ZAP70: variants seen among roughly 807,000 people sequenced by gnomAD.
ZAP70 encodes the protein zeta chain of T cell receptor associated protein kinase 70.
Under a neutral mutation model 65.8 loss-of-function variants are expected in ZAP70, and 27 were observed. The observed-to-expected ratio is 0.41, with a 90% CI of 0.30 to 0.57. The LOEUF (loss-of-function observed/expected upper bound fraction) is 0.57. Ranked by LOEUF, ZAP70 falls within the 20% of genes least tolerant of loss-of-function variation. The pLI is 0.28. For synonymous variants in ZAP70, 363 were observed against 360.8 expected (o/e 1.01, Z -0.07); for missense variants, 696 against 870.5 (o/e 0.80, Z 2.52).
At chr2:97,747,815 G>GTTTTTTTTTTGTTTT in the ZAP70 span, among the ~76,000 whole-genome samples, 1 of 54,746 alleles carries the variant, frequency 1.8e-5, no homozygotes, top group African/African-American at 8.8e-5. Context: ...CTGGCACGAG[G>GTTTTTTTTTTGTTTT]TTTTTTTTTT....
At chr2:97,735,601 CACCCAT>C in intron 10 of ZAP70, 145 bp downstream of exon 10, 1 of 919,318 alleles carries the variant, frequency 1.1e-6, no homozygotes, top group South Asian at 1.7e-5. Context: ...TGCACACCCA[CACCCAT>C]ACCCATGCCT....
rs758557607 is a variant in ZAP70, at chr2:97,724,331, C to T, written c.295C>T (p.Arg99Cys). Reference protein sequence around the residue: ...RDPDGLPCNLRKPCNRPSGLE... With the variant: ...RDPDGLPCNLCKPCNRPSGLE... ...CCCCGACGGGCTGCCCTGCAACCTG[C>T]GCAAGCCGTGCAACCGGCCGTCGGG... is the stretch of plus-strand genomic sequence containing the variant. Residue 99 changes from arginine (R) to cysteine (C), a missense_variant, in exon 3 of 14, where the codon CGC becomes TGC. Physicochemically the swap from Arg to Cys is radical, Grantham distance 180 (BLOSUM62 -3). This residue lies in a region of ZAP70 where 551 missense variants were observed against 630.0 expected (regional missense o/e 0.87). Coordinates refer to ENST00000264972, the MANE Select transcript of ZAP70 (RefSeq NM_001079.4). The T allele has an allele frequency of 2.5e-6, 4 of 1,572,518 alleles. No individual in the cohort carries two copies. The highest frequency in any genetic ancestry group is 3.5e-6 in the Non-Finnish European group (4 of 1,159,172).
intron 4 of ZAP70, among the ~76,000 whole-genome samples, chr2:97,729,342 G>A (rs1247031298): frequency 3.3e-5 from 5 of 152,192 alleles, no homozygotes; most frequent in African/African-American, 1.2e-4. Flanking sequence ...GTCCTAGGTA[G>A]CAATTAACTG....
chr2:97,749,490 G>A, the ZAP70 span, among the ~76,000 whole-genome samples: 1 of 152,214 alleles, frequency 6.6e-6, no homozygotes, highest in Non-Finnish European at 1.5e-5. Context: ...AGTTCCGGGT[G>A]GGCAATGACT....
chr2:97,720,615 G>C (rs1281223004), intron 2 of ZAP70, among the ~76,000 whole-genome samples: 1 of 152,190 alleles, frequency 6.6e-6, no homozygotes, highest in African/African-American at 2.4e-5. Context: ...ATCTCCCAAA[G>C]TGCTGGGATT....
intron 4 of ZAP70, among the ~76,000 whole-genome samples, chr2:97,732,097 A>T (rs1677634073): frequency 6.6e-6 from 1 of 151,980 alleles, no homozygotes; most frequent in South Asian, 2.1e-4. Context: ...GCTGGAGCGG[A>T]TGGGGGGACA....
chr2:97,714,566 A>G (rs188317051), intron 2 of ZAP70, among the ~76,000 whole-genome samples: 37 of 152,308 alleles, frequency 2.4e-4, no homozygotes, highest in Non-Finnish European at 4.4e-4. Flanking sequence ...ACATGCAGAT[A>G]TGGGCACCTG....
the ZAP70 span, among the ~76,000 whole-genome samples, chr2:97,749,616 C>T: frequency 6.6e-6 from 1 of 152,194 alleles, no homozygotes; most frequent in Non-Finnish European, 1.5e-5. Flanking sequence ...AAATTTGCAG[C>T]CCCACATTGC....
chr2:97,743,768 T>C (rs1037796979), downstream of ZAP70, among the ~76,000 whole-genome samples: 6 of 152,232 alleles, frequency 3.9e-5, no homozygotes, highest in African/African-American at 1.2e-4. Flanking sequence ...GTTGGGGAGT[T>C]TGTGGAAATT....
chr2:97,734,746 C>G, intron 9 of ZAP70, 34 bp downstream of exon 9: 1 of 1,610,452 alleles, frequency 6.2e-7, no homozygotes, highest in East Asian at 2.2e-5. Context: ...GGAGCACCGC[C>G]GCCTGGGGCA....
downstream of ZAP70, among the ~76,000 whole-genome samples, chr2:97,742,830 A>G (rs981912996): frequency 6.6e-6 from 1 of 152,196 alleles, no homozygotes; most frequent in African/African-American, 2.4e-5. Flanking sequence ...TGGTTTACAG[A>G]CCCAACATGC....
In ZAP70 at chr2:97,723,419, T is replaced by TAGCG. The variant is rs544535047; in HGVS notation, c.-21-597_-21-596insAGCG. ...ATGCAGTCCTCTCTGCCTGATGCGC[T>TAGCG]GTCCCGCGCGCTTTTTGAAAAGTTG... On this transcript the variant is annotated intron_variant, in intron 2 of 13. Transcript: ENST00000264972. Among the ~76,000 whole-genome samples, 533 of 152,372 alleles carry TAGCG rather than the reference T, an allele frequency of 3.5e-3. 1 individual carries two copies. The highest frequency in any genetic ancestry group is 6.1e-3 in the Non-Finnish European group (418 of 68,028).
At chr2:97,723,402 C>T (rs1284423317) in intron 2 of ZAP70, among the ~76,000 whole-genome samples, 2 of 152,246 alleles carry the variant, frequency 1.3e-5, no homozygotes, top group East Asian at 1.9e-4. Context: ...GCATGCAGTC[C>T]TCTCTGCCTG....
intron 4 of ZAP70, among the ~76,000 whole-genome samples, chr2:97,725,967 G>A (rs528409727): frequency 1.3e-4 from 20 of 152,234 alleles, no homozygotes; most frequent in Non-Finnish European, 2.8e-4. Flanking sequence ...GTGAGGGCAG[G>A]GCGGGGACTT....
At position 97,739,063 on chromosome 2, in the gene ZAP70, G is replaced by A. The variant is rs531872440; in HGVS notation, c.1737-312G>A. On this transcript the variant is annotated intron_variant, in intron 13 of 13. Transcript: ENST00000264972. ...TCAGCTTTCTATATCCCAGGTCCCC[G>A]TGGTCAATAGTTGCCACTCTGACAC... is the stretch of plus-strand genomic sequence containing the variant. Among the ~76,000 whole-genome samples, 63 of 152,216 alleles carry A rather than the reference G, an allele frequency of 4.1e-4. 1 individual carries two copies. The highest frequency in any genetic ancestry group is 6.8e-3 in the Middle Eastern group (2 of 294).
rs893210309 is a variant in ZAP70, at chr2:97,737,422, G to A, written c.1290-51G>A. The A allele has an allele frequency of 1.1e-5, 17 of 1,601,192 alleles. No homozygotes were observed. Among genetic ancestry groups the A allele is most frequent in the Non-Finnish European group, 1.4e-5 (16 of 1,168,788 alleles). On this transcript the variant is annotated intron_variant, in intron 10 of 13. Coordinates refer to ENST00000264972, the MANE Select transcript of ZAP70 (RefSeq NM_001079.4). The surrounding 1 kb of genome is among the most constrained non-coding windows in gnomAD (Gnocchi z 5.0). The stretch of plus-strand genomic sequence containing the variant: ...GTCAGAGAAGCATGCTTTGCCCCTG[G>A]GAACTTGGCTAGTCTTCTCCCAGCT...
downstream of ZAP70, among the ~76,000 whole-genome samples, chr2:97,741,905 G>T (rs893195185): frequency 6.6e-6 from 1 of 152,254 alleles, no homozygotes; most frequent in African/African-American, 2.4e-5. Flanking sequence ...CTGGGCCCTG[G>T]AGGTCCAGAG....
chr2:97,736,546 A>G lies in ZAP70; in HGVS notation c.1290-927A>G, dbSNP rs1677892555. ...TGTATTCTGGTTGGAGAAGAGAGAC[A>G]GTAAGTAACAATCCTGATGAAATCT... On this transcript the variant is annotated intron_variant, in intron 10 of 13. Coordinates refer to ENST00000264972, the MANE Select transcript of ZAP70 (RefSeq NM_001079.4). The surrounding 1 kb of genome is among the most constrained non-coding windows in gnomAD (Gnocchi z 4.0). 6.6e-6 allele frequency among the ~76,000 whole-genome samples: 1 copy of G among 152,236 alleles called. No individual in the cohort carries two copies. The highest frequency in any genetic ancestry group is 1.5e-5 in the Non-Finnish European group (1 of 68,032).
At position 97,715,412 on chromosome 2, in the gene ZAP70, C is replaced by T. The variant is rs187563522; in HGVS notation, c.-22+1418C>T. The stretch of plus-strand genomic sequence containing the variant: ...CAGCCCCTATCCTCCTGACTCACAC[C>T]GCCTTTTCCCATCTCCCTTTTACAG... On this transcript the variant is annotated intron_variant, in intron 2 of 13. Transcript: ENST00000264972. The surrounding 1 kb of genome is among the most constrained non-coding windows in gnomAD (Gnocchi z 4.1). 1.1e-4 allele frequency among the ~76,000 whole-genome samples: 17 copies of T among 152,324 alleles called. No homozygotes were observed. The East Asian group carries it at 1.9e-3, about 17-fold the overall frequency.
Sources: gnomAD v4.1 joint callset for allele counts (sites outside exome capture counted in the v4.1 genomes callset) on GRCh38, gnomAD v4.1.1 for gene constraint, gnomAD v4.1.1 regional missense constraint, Gnocchi (gnomAD v3.1) non-coding constraint, MANE v1.5 for transcripts, NCBI Gene and HGNC (gene_info 2026-07-23, HGNC 2026-07-21) for gene names.